COG5: variants seen among roughly 807,000 people sequenced by gnomAD.
COG5 encodes component of oligomeric golgi complex 5.
Under a neutral mutation model 110.4 loss-of-function variants are expected in COG5, and 86 were observed. The observed-to-expected ratio is 0.78, with a 90% CI of 0.65 to 0.93. The LOEUF (loss-of-function observed/expected upper bound fraction) is 0.93, where lower values mean the gene tolerates loss of function less well. COG5 is among the 40% of genes least tolerant of loss of function. The pLI is 0.00. For missense variants in COG5, 1,077 were observed against 987.0 expected, an observed-to-expected ratio of 1.09 and a Z score of -1.22; for synonymous variants, 360 against 334.6, an observed-to-expected ratio of 1.08 and a Z score of -0.83.
chr7:107,509,175 G>C (rs1799286374), intron 6 of COG5, among the ~76,000 whole-genome samples: 1 of 152,148 alleles, frequency 6.6e-6, no homozygotes, highest in Non-Finnish European at 1.5e-5. Context: ...TGGCTAACTA[G>C]AATAACCAAT....
intron 7 of COG5, among the ~76,000 whole-genome samples, chr7:107,405,599 A>G (rs531347706): frequency 1.3e-5 from 2 of 152,228 alleles, no homozygotes; most frequent in Non-Finnish European, 2.9e-5. Flanking sequence ...CAATTTATAC[A>G]TAAGAAATAC....
intron 10 of COG5, among the ~76,000 whole-genome samples, chr7:107,348,434 A>T (rs1811832631): frequency 6.6e-6 from 1 of 152,120 alleles, no homozygotes; most frequent in African/African-American, 2.4e-5. Flanking sequence ...TAGTTTCTTG[A>T]TCTGTAGACT....
At chr7:107,248,030 G>A (rs1562932038) in intron 17 of COG5, among the ~76,000 whole-genome samples, 2 of 152,070 alleles carry the variant, frequency 1.3e-5, no homozygotes, top group Non-Finnish European at 2.9e-5. Flanking sequence ...GGGTATTTGT[G>A]AGAAGTAAGG....
intron 11 of COG5, among the ~76,000 whole-genome samples, chr7:107,312,796 G>C (rs1350064592): frequency 6.9e-6 from 1 of 145,164 alleles, no homozygotes; most frequent in Non-Finnish European, 1.6e-5. Flanking sequence ...ATTAAAGAAG[G>C]CTTATCTATT....
At chr7:107,329,451 T>C (rs1341982499) in intron 10 of COG5, among the ~76,000 whole-genome samples, 5 of 152,168 alleles carry the variant, frequency 3.3e-5, no homozygotes, top group African/African-American at 7.2e-5. Context: ...TATACAGATA[T>C]GTATATGCTG....
intron 10 of COG5, among the ~76,000 whole-genome samples, chr7:107,326,849 A>G (rs1809809700): frequency 1.3e-5 from 2 of 152,162 alleles, no homozygotes; most frequent in Non-Finnish European, 2.9e-5. Flanking sequence ...AAACAAACAA[A>G]CAAAGCTAGA....
At chr7:107,295,102 T>TATATATATATATATA (rs1491246038) in intron 12 of COG5, among the ~76,000 whole-genome samples, 1 of 39,826 alleles carries the variant, frequency 2.5e-5, no homozygotes, top group African/African-American at 8.6e-5. Context: ...TATATATATA[T>TATATATATATATATA]TTTTTTTTTT....
In COG5 at chr7:107,202,621, CAT is replaced by C. The variant is rs1798417829; in HGVS notation, c.*893_*894del. 1 of 152,312 alleles carries C rather than the reference CAT, an allele frequency of 6.6e-6. No homozygotes were observed. The highest frequency in any genetic ancestry group is 2.1e-4 in the South Asian group (1 of 4,818). The allele number at this position is 152,312 out of a possible 1,614,324, so 9.4% of individuals were successfully genotyped here. A position where few individuals can be genotyped will look rare whatever the true frequency, so the allele number is the denominator to read the frequency against. ...CAGGTTCAGGAGATGAGATGGAAAA[CAT>C]AAGGCAAATTCCTAACACTGCTAAT... On this transcript the variant is annotated 3_prime_UTR_variant, in exon 22 of 22. Coordinates refer to ENST00000297135, the MANE Select transcript of COG5 (RefSeq NM_006348.5).
At chr7:107,376,314 T>A (rs187499490) in intron 7 of COG5, among the ~76,000 whole-genome samples, 247 of 152,080 alleles carry the variant, frequency 1.6e-3, no homozygotes, top group Non-Finnish European at 2.7e-3. Flanking sequence ...GTCCTTTTTT[T>A]AAAAAAGTTT....
intron 6 of COG5, among the ~76,000 whole-genome samples, chr7:107,443,237 G>C (rs1241915077): frequency 6.6e-6 from 1 of 152,042 alleles, no homozygotes; most frequent in Non-Finnish European, 1.5e-5. Flanking sequence ...TATACTAAGT[G>C]AAAGAGCCCG....
At position 107,412,482 on chromosome 7, in the gene COG5, A is replaced by G. The variant is rs1792374720; in HGVS notation, c.669+20T>C. On this transcript the variant is annotated intron_variant, in intron 7 of 21. Transcript: ENST00000297135. ...TTATGACACATTTTTTACATTAAAA[A>G]ACAGTCTTATTTTTATTACCTGAGT... The G allele has an allele frequency of 5.6e-6, 9 of 1,610,468 alleles. No individual in the cohort carries two copies. Among genetic ancestry groups the G allele is most frequent in the Non-Finnish European group, 7.6e-6 (9 of 1,178,822 alleles).
chr7:107,507,406 G>T (rs1799101096), intron 6 of COG5, among the ~76,000 whole-genome samples: 1 of 147,468 alleles, frequency 6.8e-6, no homozygotes, highest in Non-Finnish European at 1.5e-5. Flanking sequence ...CCATTCTCCT[G>T]CCTCAGCCTC....
intron 6 of COG5, among the ~76,000 whole-genome samples, chr7:107,509,002 A>T (rs1215610577): frequency 6.6e-6 from 1 of 152,214 alleles, no homozygotes; most frequent in Non-Finnish European, 1.5e-5. Flanking sequence ...CTCCTCCTCC[A>T]AAGGAACGCA....
At chr7:107,490,863 T>C (rs1797933880) in intron 6 of COG5, among the ~76,000 whole-genome samples, 2 of 152,178 alleles carry the variant, frequency 1.3e-5, no homozygotes, top group South Asian at 4.1e-4. Context: ...CACTTTATGA[T>C]ATTATGAAGC....
intron 6 of COG5, among the ~76,000 whole-genome samples, chr7:107,440,337 T>C (rs1394305236): frequency 6.6e-6 from 1 of 152,060 alleles, no homozygotes; most frequent in Non-Finnish European, 1.5e-5. Context: ...GTAAAATAAC[T>C]ACAACTTTCA....
At chr7:107,298,661 C>T (rs1239594519) in intron 11 of COG5, among the ~76,000 whole-genome samples, 6 of 152,090 alleles carry the variant, frequency 3.9e-5, no homozygotes, top group Non-Finnish European at 5.9e-5. Context: ...GGACAGAAAA[C>T]TGGACAGCGC....
intron 11 of COG5, among the ~76,000 whole-genome samples, chr7:107,306,194 T>A (rs1807702006): frequency 1.3e-5 from 2 of 152,096 alleles, no homozygotes; most frequent in Admixed American, 1.3e-4. Context: ...ATAAAAAATA[T>A]AATTGTCTAG....
At chr7:107,359,542 A>G (rs1352062795) in intron 10 of COG5, among the ~76,000 whole-genome samples, 1 of 152,178 alleles carries the variant, frequency 6.6e-6, no homozygotes, top group African/African-American at 2.4e-5. Context: ...TAAGCCAGGG[A>G]TCTGAAGCCT....
chr7:107,210,332 G>A, intron 21 of COG5, 194 bp downstream of exon 21: 2 of 1,432,206 alleles, frequency 1.4e-6, no homozygotes, highest in Non-Finnish European at 1.8e-6. Context: ...ATGAAAGAAA[G>A]CAAAAGATGT....
Sources: gnomAD v4.1 joint callset for allele counts (sites outside exome capture counted in the v4.1 genomes callset) on GRCh38, gnomAD v4.1.1 for gene constraint, MANE v1.5 for transcripts, NCBI Gene and HGNC (gene_info 2026-07-23, HGNC 2026-07-21) for gene names.